Variants in RAVER2 observed in about 807,000 individuals in gnomAD.
The protein encoded by RAVER2 is ribonucleoprotein PTB-binding 2.
In RAVER2, 46 loss-of-function variants were observed where a neutral mutation model predicts 78.1. That is an observed-to-expected ratio of 0.59 (90% CI 0.46 to 0.75). The LOEUF (loss-of-function observed/expected upper bound fraction) is 0.75, where lower values mean the gene tolerates loss of function less well. Ranked by LOEUF, RAVER2 falls within the 30% of genes least tolerant of loss-of-function variation. The pLI, the probability that RAVER2 is intolerant of heterozygous loss-of-function variation, is 0.00. For synonymous variants in RAVER2, 311 were observed against 313.3 expected, an observed-to-expected ratio of 0.99 and a Z score of 0.08; for missense variants, 793 against 837.5, an observed-to-expected ratio of 0.95 and a Z score of 0.66.
At chr1:64,763,228 T>C (rs558542717) in intron 1 of RAVER2, among the ~76,000 whole-genome samples, 5 of 151,402 alleles carry the variant, frequency 3.3e-5, no homozygotes, top group East Asian at 3.9e-4. Context: ...ACCAGGGAGG[T>C]GGAGCTTGCA....
At chr1:64,796,183 T>C (rs995822449) in intron 5 of RAVER2, among the ~76,000 whole-genome samples, 1 of 152,038 alleles carries the variant, frequency 6.6e-6, no homozygotes. Context: ...TTGAATTTGA[T>C]TTAATAAAAT....
chr1:64,756,461 T>C (rs1444844294), intron 1 of RAVER2, among the ~76,000 whole-genome samples: 2 of 152,148 alleles, frequency 1.3e-5, no homozygotes, highest in Non-Finnish European at 2.9e-5. Flanking sequence ...TTTCGATGCT[T>C]TGTTTTAGAT....
chr1:64,760,572 A>G (rs1651992467), intron 1 of RAVER2, among the ~76,000 whole-genome samples: 1 of 152,132 alleles, frequency 6.6e-6, no homozygotes, highest in Non-Finnish European at 1.5e-5. Context: ...AGAGTTTGAT[A>G]GGGTTAGTGG....
At chr1:64,802,227 T>C (rs1653287096) in intron 5 of RAVER2, among the ~76,000 whole-genome samples, 1 of 152,200 alleles carries the variant, frequency 6.6e-6, no homozygotes, top group Non-Finnish European at 1.5e-5. Context: ...CTTTATAACC[T>C]GTATCTTGTG....
At chr1:64,775,984 A>G (rs1324412138) in intron 2 of RAVER2, among the ~76,000 whole-genome samples, 1 of 147,686 alleles carries the variant, frequency 6.8e-6, no homozygotes. Context: ...GCACCACTGC[A>G]CTCCAGCCTG....
chr1:64,830,960 AC>A lies in RAVER2; in HGVS notation c.2052del (p.Leu685Ter). On this transcript the variant is annotated frameshift_variant, in exon 12 of 12. Transcript: ENST00000294428. LOFTEE classifies it high-confidence loss of function. ...ACAGGAGCATATTACATGGAAACTT[AC>A]TTAAAAAAGAAGCGAGTATACTGAG... 1 of 1,613,756 alleles carries A rather than the reference AC, an allele frequency of 6.2e-7. No individual in the cohort carries two copies. The highest frequency in any genetic ancestry group is 8.5e-7 in the Non-Finnish European group (1 of 1,179,768).
chr1:64,776,017 C>T (rs1465819156), intron 2 of RAVER2, among the ~76,000 whole-genome samples: 3 of 111,922 alleles, frequency 2.7e-5, no homozygotes, highest in East Asian at 5.2e-4. Flanking sequence ...AGACTCTTGT[C>T]TCAAAAAAAA....
chr1:64,749,444 C>T (rs1651634799), intron 1 of RAVER2, among the ~76,000 whole-genome samples: 1 of 152,180 alleles, frequency 6.6e-6, no homozygotes, highest in Non-Finnish European at 1.5e-5. Flanking sequence ...TGCCTGACCT[C>T]AGGTGATCTG....
intron 1 of RAVER2, among the ~76,000 whole-genome samples, chr1:64,767,947 G>C (rs974612476): frequency 6.6e-6 from 1 of 151,970 alleles, no homozygotes; most frequent in Non-Finnish European, 1.5e-5. Flanking sequence ...GTTAATAATA[G>C]AAGCAGAATG....
intron 4 of RAVER2, among the ~76,000 whole-genome samples, chr1:64,788,418 G>A (rs553574666): frequency 1.1e-3 from 173 of 152,170 alleles, no homozygotes; most frequent in Non-Finnish European, 2.0e-3. Flanking sequence ...CTTGCAGTGA[G>A]CCGAGATCGC....
At chr1:64,807,533 T>C (rs895245222) in intron 9 of RAVER2, 59 bp downstream of exon 9, 2 of 1,408,784 alleles carry the variant, frequency 1.4e-6, no homozygotes, top group African/African-American at 2.9e-5. Context: ...TATATATTCC[T>C]TTTAAATTAT....
chr1:64,799,601 C>A (rs1217328553), intron 5 of RAVER2, among the ~76,000 whole-genome samples: 3 of 152,046 alleles, frequency 2.0e-5, no homozygotes, highest in Non-Finnish European at 4.4e-5. Flanking sequence ...CACCACTACA[C>A]CCTGCTATTT....
intron 11 of RAVER2, among the ~76,000 whole-genome samples, chr1:64,829,106 T>C (rs910036587): frequency 6.6e-6 from 1 of 152,214 alleles, no homozygotes; most frequent in Non-Finnish European, 1.5e-5. Flanking sequence ...TTAGCACCAT[T>C]GGGAAGCCCT....
At chr1:64,818,264 C>T (rs773396196) in intron 11 of RAVER2, among the ~76,000 whole-genome samples, 3 of 152,130 alleles carry the variant, frequency 2.0e-5, no homozygotes, top group Admixed American at 6.6e-5. Context: ...AGGCTGGGCG[C>T]GGTGGCTCAC....
chr1:64,757,193 A>C (rs1391333938), intron 1 of RAVER2, among the ~76,000 whole-genome samples: 1 of 152,224 alleles, frequency 6.6e-6, no homozygotes, highest in African/African-American at 2.4e-5. Flanking sequence ...TCAACACAAC[A>C]GGACATTGCA....
At chr1:64,831,819 CATAA>C (rs1408804644) in exon 12 of RAVER2, 1 of 152,074 alleles carries the variant, frequency 6.6e-6, no homozygotes, top group South Asian at 2.1e-4. Context: ...TTTCAGTGTC[CATAA>C]ATAAACTTTT....
At chr1:64,749,036 C>T (rs1475961164) in intron 1 of RAVER2, among the ~76,000 whole-genome samples, 2 of 151,308 alleles carry the variant, frequency 1.3e-5, no homozygotes, top group African/African-American at 4.9e-5. Context: ...GACATCGTAT[C>T]TCTATGTTGC....
At chr1:64,776,488 T>G (rs1652469233) in intron 2 of RAVER2, among the ~76,000 whole-genome samples, 1 of 152,212 alleles carries the variant, frequency 6.6e-6, no homozygotes, top group African/African-American at 2.4e-5. Context: ...CAGAGAAGTT[T>G]AGTGAAATGA....
intron 1 of RAVER2, among the ~76,000 whole-genome samples, chr1:64,751,736 T>A (rs544379302): frequency 5.3e-4 from 81 of 152,242 alleles, no homozygotes; most frequent in Admixed American, 2.5e-3. Flanking sequence ...TTGATTTTTT[T>A]AAAATCTTTA....
Sources: gnomAD v4.1 joint callset for allele counts (sites outside exome capture counted in the v4.1 genomes callset) on GRCh38, gnomAD v4.1.1 for gene constraint, MANE v1.5 for transcripts, NCBI Gene and HGNC (gene_info 2026-07-23, HGNC 2026-07-21) for gene names.